Variants in FNDC3B observed in about 807,000 individuals in gnomAD.
FNDC3B encodes the protein fibronectin type III domain-containing protein 3B.
FNDC3B carries 12 observed loss-of-function variants against 151.5 expected under a neutral mutation model. That is an observed-to-expected ratio of 0.08 (90% CI 0.05 to 0.13). The LOEUF (loss-of-function observed/expected upper bound fraction) is 0.13, where lower values mean the gene tolerates loss of function less well. Ranked by LOEUF, FNDC3B falls within the 10% of genes least tolerant of loss-of-function variation. The probability of loss-of-function intolerance (pLI) is 1.00; values close to 1 mark genes in which losing one functional copy is unlikely to be tolerated. For missense variants in FNDC3B, 1,214 were observed against 1,505.3 expected (o/e 0.81, Z 3.20); for synonymous variants, 528 against 549.0 (o/e 0.96, Z 0.54).
At chr3:172,052,853 C>T (rs1395271350) in intron 1 of FNDC3B, among the ~76,000 whole-genome samples, 1 of 152,134 alleles carries the variant, frequency 6.6e-6, no homozygotes, top group Non-Finnish European at 1.5e-5. Context: ...GATTAAAGGA[C>T]TCCAGTTAGG....
rs142212306 is a variant in FNDC3B at position 172,387,388 on chromosome 3, A to G, written c.3303+6295A>G. On this transcript the variant is annotated intron_variant, in intron 25 of 25. Coordinates refer to ENST00000415807, the MANE Select transcript of FNDC3B (RefSeq NM_022763.4). ...GCAGGGATTATAGGCGTGAGCCACC[A>G]TGCCTGTCCCCTTCATCATATTTTT... 1.3e-3 allele frequency among the ~76,000 whole-genome samples: 199 copies of G among 152,274 alleles called. 6 individuals carry two copies. The East Asian group carries it at 0.017, about 13-fold the overall frequency.
intron 3 of FNDC3B, among the ~76,000 whole-genome samples, chr3:172,139,983 G>T (rs1254258014): frequency 2.6e-5 from 4 of 152,086 alleles, no homozygotes; most frequent in African/African-American, 9.7e-5. Flanking sequence ...TTTAGTATTT[G>T]GTGGATTTGT....
Position 172,141,145 on chromosome 3 carries a change from T to C in FNDC3B, c.187+7599T>C, listed in dbSNP as rs942298334. Among the ~76,000 whole-genome samples the C allele has an allele frequency of 5.3e-3, 811 of 151,746 alleles. 7 individuals are homozygous for C. The highest frequency in any genetic ancestry group is 0.013 in the East Asian group (65 of 5,136). ...TTGTATACACAGCTTTACTGATTTT[T>C]CCCCCCCCTAAATAGATGGCATGAT... is the stretch of plus-strand genomic sequence containing the variant. On this transcript the variant is annotated intron_variant, in intron 3 of 25. Coordinates refer to ENST00000415807, the MANE Select transcript of FNDC3B (RefSeq NM_022763.4).
chr3:172,371,704 C>A (rs1279444896), intron 23 of FNDC3B, among the ~76,000 whole-genome samples: 3 of 152,190 alleles, frequency 2.0e-5, no homozygotes, highest in African/African-American at 7.2e-5. Context: ...CTAGATTGGG[C>A]GCATTGCCCC....
chr3:172,238,903 G>C (rs1253158734), intron 4 of FNDC3B, among the ~76,000 whole-genome samples: 1 of 152,134 alleles, frequency 6.6e-6, no homozygotes, highest in Non-Finnish European at 1.5e-5. Context: ...AAGAAGATCA[G>C]GAATGATAGA....
At chr3:172,044,282 TC>T (rs58517542) in intron 1 of FNDC3B, among the ~76,000 whole-genome samples, 4,990 of 143,886 alleles carry the variant, frequency 0.035, 323 homozygotes, top group African/African-American at 0.13. Context: ...AAATTCCAAC[TC>T]TTTTTTTTTT....
intron 22 of FNDC3B, among the ~76,000 whole-genome samples, chr3:172,362,196 A>G (rs1429810533): frequency 6.6e-6 from 1 of 152,174 alleles, no homozygotes; most frequent in Non-Finnish European, 1.5e-5. Context: ...GAGACATGAA[A>G]TGTCCTGTTG....
At chr3:172,102,241 T>C (rs1165699648) in intron 1 of FNDC3B, among the ~76,000 whole-genome samples, 2 of 152,316 alleles carry the variant, frequency 1.3e-5, no homozygotes, top group South Asian at 2.1e-4. Flanking sequence ...AAATGGACAA[T>C]ACCAGCTACT....
chr3:172,318,411 C>T (rs545444631), intron 11 of FNDC3B, among the ~76,000 whole-genome samples: 3 of 152,254 alleles, frequency 2.0e-5, no homozygotes, highest in East Asian at 1.9e-4. Context: ...GAGTTGGCCC[C>T]GTAGAAGATA....
chr3:172,210,706 G>C (rs1368572726), intron 3 of FNDC3B, among the ~76,000 whole-genome samples: 4 of 152,080 alleles, frequency 2.6e-5, no homozygotes, highest in Non-Finnish European at 5.9e-5. Flanking sequence ...TCAGCCAAGT[G>C]CAAAAAAATG....
intron 3 of FNDC3B, among the ~76,000 whole-genome samples, chr3:172,202,593 C>A (rs953222654): frequency 1.3e-5 from 2 of 152,166 alleles, no homozygotes; most frequent in African/African-American, 4.8e-5. Flanking sequence ...TAGAAATTCT[C>A]CAAACGGAAC....
At chr3:172,359,423 T>C (rs1734263263) in intron 22 of FNDC3B, among the ~76,000 whole-genome samples, 1 of 152,174 alleles carries the variant, frequency 6.6e-6, no homozygotes, top group African/African-American at 2.4e-5. Flanking sequence ...AGAAAGGATC[T>C]TGGCCTCTGG....
At chr3:172,325,429 A>G (rs1472362104) in intron 11 of FNDC3B, among the ~76,000 whole-genome samples, 1 of 152,362 alleles carries the variant, frequency 6.6e-6, no homozygotes, top group East Asian at 1.9e-4. Flanking sequence ...CTTCTGATAA[A>G]CAATGATAAA....
At chr3:172,315,826 T>C in intron 11 of FNDC3B, among the ~76,000 whole-genome samples, 1 of 151,644 alleles carries the variant, frequency 6.6e-6, no homozygotes, top group East Asian at 1.9e-4. Flanking sequence ...TTTCAAGGTA[T>C]AGGTTCTTTC....
At chr3:172,213,753 AGTT>A (rs1725842243) in intron 3 of FNDC3B, among the ~76,000 whole-genome samples, 1 of 152,084 alleles carries the variant, frequency 6.6e-6, no homozygotes, top group South Asian at 2.1e-4. Context: ...AAGGCTTAGT[AGTT>A]GTTTTGAGGA....
rs114461242 is a variant in FNDC3B, at chr3:172,283,699, G to C, written c.791-2227G>C. ...CATTTTGTCTTTAACAACTGAACCAGTTCATTTATTGTGACTATGCTTATG... is the reference window on the plus strand; with the variant it reads ...CATTTTGTCTTTAACAACTGAACCACTTCATTTATTGTGACTATGCTTATG... On this transcript the variant is annotated intron_variant, in intron 6 of 25. Transcript: ENST00000415807. Among the ~76,000 whole-genome samples, 314 of 152,194 alleles carry C rather than the reference G, an allele frequency of 2.1e-3. 3 individuals are homozygous for C. Among genetic ancestry groups the C allele is most frequent in the African/African-American group, 7.2e-3 (298 of 41,526 alleles).
chr3:172,240,509 C>T (rs1451981292), intron 4 of FNDC3B, among the ~76,000 whole-genome samples: 3 of 152,236 alleles, frequency 2.0e-5, no homozygotes, highest in Admixed American at 2.0e-4. Flanking sequence ...ACTCAGGTAT[C>T]CTAATTCTCA....
chr3:172,330,324 G>A, intron 12 of FNDC3B: 2 of 465,948 alleles, frequency 4.3e-6, no homozygotes, highest in Non-Finnish European at 7.6e-6. Flanking sequence ...ATATTGTCCT[G>A]TGACTTGGTG....
intron 6 of FNDC3B, among the ~76,000 whole-genome samples, chr3:172,262,602 T>A (rs543206613): frequency 5.5e-4 from 83 of 151,412 alleles, no homozygotes; most frequent in African/African-American, 1.3e-3. Context: ...TTTTTTTTTT[T>A]ATTTTTTGTT....
Sources: allele counts gnomAD v4.1 joint callset (sites outside exome capture counted in the v4.1 genomes callset), GRCh38; gene constraint gnomAD v4.1.1; transcripts MANE v1.5; gene names NCBI Gene and HGNC (gene_info 2026-07-23, HGNC 2026-07-21).